Variants in SEC23B observed in about 807,000 individuals in gnomAD.
SEC23B encodes SEC23 homolog B, COPII component, also known as protein transport protein Sec23B.
Under a neutral mutation model 104.3 loss-of-function variants are expected in SEC23B, and 77 were observed. That is an observed-to-expected ratio of 0.74 (90% CI 0.61 to 0.89). The LOEUF (loss-of-function observed/expected upper bound fraction) is 0.89, where lower values mean the gene tolerates loss of function less well. Ranked by LOEUF, SEC23B falls within the 40% of genes least tolerant of loss-of-function variation. The pLI is 0.00. For synonymous variants in SEC23B, 338 were observed against 332.5 expected (o/e 1.02, Z -0.18); for missense variants, 885 against 949.4 (o/e 0.93, Z 0.89).
chr20:18,557,933 T>G (rs1208743199), intron 19 of SEC23B, among the ~76,000 whole-genome samples: 1 of 151,926 alleles, frequency 6.6e-6, no homozygotes, highest in Non-Finnish European at 1.5e-5. Context: ...GTATTTTTAG[T>G]AGAGACAGGG....
chr20:18,527,378 A>T (rs1000167167), intron 8 of SEC23B, 118 bp from the exon 9 acceptor site: 5 of 766,268 alleles, frequency 6.5e-6, no homozygotes, highest in Non-Finnish European at 1.2e-5. Flanking sequence ...ACTCTGTCAC[A>T]AAAAGAGAAA....
intron 3 of SEC23B, 39 bp from the exon 4 acceptor site, chr20:18,515,610 AG>A (rs1568598914): frequency 8.7e-7 from 1 of 1,153,830 alleles, no homozygotes; most frequent in Admixed American, 1.7e-5. Flanking sequence ...AGTGTAATAT[AG>A]TTATGCCAAC....
In SEC23B at chr20:18,524,919, C is replaced by CT. The variant is rs750339397; in HGVS notation, c.604-4dup. The CT allele has an allele frequency of 0.077, 85,798 of 1,110,238 alleles. 19 individuals carry two copies. The highest frequency in any genetic ancestry group is 0.091 in the Non-Finnish European group (71,211 of 782,844). The allele number at this position is 1,110,238 out of a possible 1,614,324, so 68.8% of individuals were successfully genotyped here. A position where few individuals can be genotyped will look rare whatever the true frequency, so the allele number is the denominator to read the frequency against. ...TGTCATTGGAAATGAATCTTTTTGG[C>CT]TTTTTTTTTTTTAAGGATATGTTGG... is the stretch of plus-strand genomic sequence containing the variant. On this transcript the variant is annotated splice_polypyrimidine_tract_variant and intron_variant, in intron 5 of 19. Coordinates refer to ENST00000650089, the MANE Select transcript of SEC23B (RefSeq NM_006363.6).
At position 18,525,671 on chromosome 20, in the gene SEC23B, C is replaced by G. The variant is rs2060127458; in HGVS notation, c.690-117C>G. Reference sequence around the variant, plus strand: ...GAGATAGCTTTGAAGAAAAAAATTACCAGTCAGTTACTACTCTGAATAATT... The same window carrying G: ...GAGATAGCTTTGAAGAAAAAAATTAGCAGTCAGTTACTACTCTGAATAATT... On this transcript the variant is annotated intron_variant, in intron 6 of 19. Coordinates refer to ENST00000650089, the MANE Select transcript of SEC23B (RefSeq NM_006363.6). 7 of 1,094,490 alleles carry G rather than the reference C, an allele frequency of 6.4e-6. No homozygotes were observed. The East Asian group carries it at 1.5e-4, about 23-fold the overall frequency. 67.8% of individuals were successfully genotyped at this position (1,094,490 alleles called of 1,614,324 possible).
chr20:18,539,266 GAGGCCAGGGC>G (rs2060265584), intron 12 of SEC23B, among the ~76,000 whole-genome samples: 1 of 150,192 alleles, frequency 6.7e-6, no homozygotes, highest in African/African-American at 2.5e-5. Context: ...AGCACTTTGG[GAGGCCAGGGC>G]AGGTGGATCA....
intron 15 of SEC23B, among the ~76,000 whole-genome samples, chr20:18,546,776 G>C (rs1409857615): frequency 2.6e-5 from 4 of 152,166 alleles, no homozygotes; most frequent in African/African-American, 9.7e-5. Flanking sequence ...CCCTGGACCG[G>C]CCAGAGTCAG....
chr20:18,559,892 G>A (rs2060476387), intron 19 of SEC23B, among the ~76,000 whole-genome samples: 1 of 152,008 alleles, frequency 6.6e-6, no homozygotes. Context: ...CTTAGTGGGA[G>A]GAATAGAGAA....
At chr20:18,542,578 A>G (rs1230150317) in intron 13 of SEC23B, among the ~76,000 whole-genome samples, 176 bp downstream of exon 13, 1 of 152,252 alleles carries the variant, frequency 6.6e-6, no homozygotes, top group Non-Finnish European at 1.5e-5. Context: ...TGGGCCTATG[A>G]ACACTTGCCT....
rs780585586 is a variant in SEC23B at position 18,526,546 on chromosome 20, G to A, written c.993+15G>A. ...AGGCAACCAAGGTAGGTGCTCTTGG[G>A]TATGGGCTGTAATTCTGAAAGCCCA... On this transcript the variant is annotated intron_variant, in intron 8 of 19. Transcript: ENST00000650089. The A allele has an allele frequency of 2.5e-6, 4 of 1,613,894 alleles. No homozygotes were observed. Among genetic ancestry groups the A allele is most frequent in the Middle Eastern group, 3.3e-4 (2 of 6,060 alleles).
chr20:18,554,476 T>C, intron 18 of SEC23B, 86 bp downstream of exon 18: 9 of 1,478,296 alleles, frequency 6.1e-6, no homozygotes, highest in Non-Finnish European at 8.5e-6. Context: ...ATGGTTAATA[T>C]TTTATGTGAT....
At chr20:18,532,901 T>C (rs962442446) in intron 11 of SEC23B, among the ~76,000 whole-genome samples, 157 bp downstream of exon 11, 6 of 152,162 alleles carry the variant, frequency 3.9e-5, no homozygotes, top group African/African-American at 1.4e-4. Flanking sequence ...GGAGAGGTGG[T>C]GTTATTCCAT....
chr20:18,514,451 A>G (rs1462482737), intron 3 of SEC23B, among the ~76,000 whole-genome samples: 1 of 152,106 alleles, frequency 6.6e-6, no homozygotes, highest in Admixed American at 6.6e-5. Flanking sequence ...TCGCAAGCTC[A>G]GTTGTACCCT....
At chr20:18,537,523 G>A (rs1475196330) in intron 12 of SEC23B, among the ~76,000 whole-genome samples, 1 of 152,092 alleles carries the variant, frequency 6.6e-6, no homozygotes, top group Non-Finnish European at 1.5e-5. Flanking sequence ...ACTCATAGGT[G>A]GGAATTGGAC....
At chr20:18,523,241 C>T (rs1003807924) in intron 4 of SEC23B, among the ~76,000 whole-genome samples, 3 of 151,992 alleles carry the variant, frequency 2.0e-5, no homozygotes, top group Admixed American at 6.5e-5. Flanking sequence ...TGACTCTCCT[C>T]AAATGTGCTA....
chr20:18,527,434 A>T, intron 8 of SEC23B, 62 bp from the exon 9 acceptor site: 1 of 911,286 alleles, frequency 1.1e-6, no homozygotes, highest in African/African-American at 1.6e-5. Flanking sequence ...TCCTTCGGTA[A>T]TTCAGGCATA....
chr20:18,510,842 A>G lies in SEC23B; in HGVS notation c.7A>G (p.Thr3Ala). The G allele has an allele frequency of 6.2e-7, 1 of 1,613,978 alleles. No individual in the cohort carries two copies. Among genetic ancestry groups the G allele is most frequent in the Non-Finnish European group, 8.5e-7 (1 of 1,179,818 alleles). Residue 3 changes from threonine to alanine, a missense_variant, in exon 2 of 20, where the codon ACA (threonine) becomes GCA (alanine). Transcript: ENST00000650089. ...TTCAGTTCCCTTTTAGACTATGGCG[A>G]CATACCTGGAGTTCATCCAGCAGAA... Reference protein sequence around the residue: MATYLEFIQQNEE... With the variant: MAAYLEFIQQNEE...
At chr20:18,552,852 T>C (rs984392259) in intron 17 of SEC23B, among the ~76,000 whole-genome samples, 12 of 152,096 alleles carry the variant, frequency 7.9e-5, no homozygotes, top group African/African-American at 2.9e-4. Context: ...GAACGATTTA[T>C]ATAGTTTCTA....
Position 18,524,479 on chromosome 20 carries a change from G to C in SEC23B, c.413G>C (p.Cys138Ser). The change falls in exon 5 of 20, where the codon TGC becomes TCC. Residue 138 changes from cysteine to serine, a missense_variant. Physicochemically the swap from Cys to Ser is moderately radical, Grantham distance 112 (BLOSUM62 -1). Coordinates refer to ENST00000650089, the MANE Select transcript of SEC23B (RefSeq NM_006363.6). ...PLIFLYVVDTCLEEDDLQALK... is the reference protein window; with the variant it reads ...PLIFLYVVDTSLEEDDLQALK... ...ATCTTTCTCTATGTGGTTGACACAT[G>C]CCTGGAGGAAGATGACCTTCAAGCA... 1 of 1,614,152 alleles carries C rather than the reference G, an allele frequency of 6.2e-7. No homozygotes were observed.
At chr20:18,517,367 G>A (rs992692836) in intron 4 of SEC23B, among the ~76,000 whole-genome samples, 1 of 152,208 alleles carries the variant, frequency 6.6e-6, no homozygotes, top group African/African-American at 2.4e-5. Flanking sequence ...CCTTCTTAAG[G>A]GTGGGGGAGA....
Sources: allele counts gnomAD v4.1 joint callset (sites outside exome capture counted in the v4.1 genomes callset), GRCh38; gene constraint gnomAD v4.1.1; transcripts MANE v1.5; gene names NCBI Gene and HGNC (gene_info 2026-07-23, HGNC 2026-07-21).